PTPRT: variants seen among roughly 807,000 people sequenced by gnomAD.
PTPRT encodes the protein receptor-type tyrosine-protein phosphatase T.
A neutral mutation model predicts 176.8 loss-of-function variants in PTPRT; 56 were observed. That is an observed-to-expected ratio of 0.32 (90% confidence interval 0.26 to 0.40). The LOEUF (loss-of-function observed/expected upper bound fraction) is 0.40, where lower values mean the gene tolerates loss of function less well. Among genes scored for constraint, PTPRT ranks in the 10% least tolerant of loss-of-function variants. The pLI is 1.00. For synonymous variants in PTPRT, 783 were observed against 739.0 expected (o/e 1.06, Z -0.96); for missense variants, 1,540 against 1,908.2 (o/e 0.81, Z 3.60).
At chr20:42,318,133 G>A (rs936300791) in intron 11 of PTPRT, among the ~76,000 whole-genome samples, 3 of 152,194 alleles carry the variant, frequency 2.0e-5, no homozygotes, top group Non-Finnish European at 4.4e-5. Context: ...TTGTGTGTGG[G>A]TGTGCACCAT....
chr20:42,890,488 T>C (rs971683183), intron 1 of PTPRT, among the ~76,000 whole-genome samples: 1 of 152,118 alleles, frequency 6.6e-6, no homozygotes, highest in Non-Finnish European at 1.5e-5. Flanking sequence ...ACTTGTAACA[T>C]TTAAGAAATC....
chr20:42,143,449 T>A (rs1237868144), intron 17 of PTPRT, among the ~76,000 whole-genome samples: 3 of 150,920 alleles, frequency 2.0e-5, no homozygotes. Context: ...CCTAGCTACT[T>A]GGGAGGCTGA....
intron 1 of PTPRT, among the ~76,000 whole-genome samples, chr20:42,978,872 T>C (rs1403741750): frequency 6.6e-6 from 1 of 152,204 alleles, no homozygotes; most frequent in Non-Finnish European, 1.5e-5. Context: ...CAGCATATCA[T>C]CAAGAAATAA....
intron 13 of PTPRT, among the ~76,000 whole-genome samples, chr20:42,262,162 C>T (rs774618738): frequency 3.9e-5 from 6 of 152,196 alleles, no homozygotes; most frequent in Non-Finnish European, 8.8e-5. Flanking sequence ...TAGCCTTTGC[C>T]CCTTTGCTTT....
chr20:42,702,661 T>A (rs1422047998), intron 6 of PTPRT, among the ~76,000 whole-genome samples: 1 of 152,134 alleles, frequency 6.6e-6, no homozygotes, highest in East Asian at 1.9e-4. Context: ...ATGGAAAGTA[T>A]TGTAAAGATC....
intron 17 of PTPRT, among the ~76,000 whole-genome samples, chr20:42,142,662 A>G (rs1446047470): frequency 3.3e-5 from 5 of 152,246 alleles, no homozygotes; most frequent in African/African-American, 9.6e-5. Context: ...TCTTATACAT[A>G]CATACCTATG....
chr20:42,749,050 C>T (rs142113373), intron 6 of PTPRT, among the ~76,000 whole-genome samples: 16 of 152,286 alleles, frequency 1.1e-4, no homozygotes, highest in African/African-American at 2.6e-4. Flanking sequence ...TCTTTTCCAA[C>T]GCAGTCTGTG....
chr20:43,080,757 C>T (rs2011418584), intron 1 of PTPRT, among the ~76,000 whole-genome samples: 1 of 152,208 alleles, frequency 6.6e-6, no homozygotes, highest in African/African-American at 2.4e-5. Flanking sequence ...AGAGCTCTTA[C>T]AAAGCAGTTA....
chr20:42,522,459 A>T (rs942562392), intron 7 of PTPRT, among the ~76,000 whole-genome samples: 2 of 151,736 alleles, frequency 1.3e-5, no homozygotes, highest in African/African-American at 4.8e-5. Flanking sequence ...GAGGGGTGTT[A>T]TTCTCCTTTT....
intron 27 of PTPRT, among the ~76,000 whole-genome samples, chr20:42,091,032 G>C (rs1984561882): frequency 6.6e-6 from 1 of 152,228 alleles, no homozygotes; most frequent in Admixed American, 6.5e-5. Flanking sequence ...GATACATACA[G>C]GTAGTGGCGA....
chr20:42,848,521 G>T (rs1214986218), intron 2 of PTPRT, among the ~76,000 whole-genome samples: 1 of 152,192 alleles, frequency 6.6e-6, no homozygotes, highest in Non-Finnish European at 1.5e-5. Context: ...ATTCTTGCAG[G>T]AGGAGTAAAG....
intron 8 of PTPRT, among the ~76,000 whole-genome samples, chr20:42,465,196 A>C (rs1378373800): frequency 1.3e-5 from 2 of 152,166 alleles, no homozygotes; most frequent in African/African-American, 4.8e-5. Context: ...AAATGAATCT[A>C]CACTGCTAGT....
chr20:42,371,149 G>C (rs929774130), intron 9 of PTPRT, among the ~76,000 whole-genome samples: 1 of 152,224 alleles, frequency 6.6e-6, no homozygotes, highest in Non-Finnish European at 1.5e-5. Context: ...GACCTCTGGA[G>C]TGGTACAGAA....
chr20:42,290,404 C>T (rs1016220837), intron 12 of PTPRT, among the ~76,000 whole-genome samples: 19 of 152,008 alleles, frequency 1.2e-4, no homozygotes, highest in African/African-American at 3.9e-4. Context: ...ACTCAAGGCT[C>T]GGCCAGTGCA....
At chr20:42,399,779 T>G (rs1172241924) in intron 9 of PTPRT, among the ~76,000 whole-genome samples, 3 of 152,240 alleles carry the variant, frequency 2.0e-5, no homozygotes, top group African/African-American at 7.2e-5. Context: ...CTGACTCATC[T>G]TGCACAAGTA....
intron 7 of PTPRT, among the ~76,000 whole-genome samples, chr20:42,677,203 C>T (rs1367034573): frequency 6.6e-6 from 1 of 152,014 alleles, no homozygotes; most frequent in Non-Finnish European, 1.5e-5. Context: ...ACAGAAGCCC[C>T]TCGGAGACAA....
At chr20:42,817,477 T>C (rs767927131) in intron 2 of PTPRT, among the ~76,000 whole-genome samples, 7 of 150,888 alleles carry the variant, frequency 4.6e-5, no homozygotes, top group Non-Finnish European at 8.8e-5. Flanking sequence ...TTAAATTAAA[T>C]TGTGATATGA....
chr20:42,450,948 C>T (rs1443994181), intron 8 of PTPRT, among the ~76,000 whole-genome samples: 2 of 152,054 alleles, frequency 1.3e-5, no homozygotes, highest in African/African-American at 2.4e-5. Flanking sequence ...CAGAGAACAA[C>T]CTAGAATGGC....
At chr20:42,693,573 C>T (rs980535294) in intron 6 of PTPRT, among the ~76,000 whole-genome samples, 3 of 152,172 alleles carry the variant, frequency 2.0e-5, no homozygotes, top group East Asian at 1.9e-4. Context: ...TTGATAATCA[C>T]TTGATCTGTG....
Sources: allele counts gnomAD v4.1 joint callset (sites outside exome capture counted in the v4.1 genomes callset), GRCh38; gene constraint gnomAD v4.1.1; transcripts MANE v1.5; gene names NCBI Gene and HGNC (gene_info 2026-07-23, HGNC 2026-07-21).